Variants in DIS3L2 observed in about 807,000 individuals in gnomAD.
DIS3L2 encodes DIS3-like exonuclease 2.
Under a neutral mutation model 97.5 loss-of-function variants are expected in DIS3L2, and 34 were observed. That is an observed-to-expected ratio of 0.35 (90% CI 0.27 to 0.46). DIS3L2 has a LOEUF of 0.46. Ranked by LOEUF, DIS3L2 falls within the 20% of genes least tolerant of loss-of-function variation. The pLI is 1.00. For missense variants in DIS3L2, 1,038 were observed against 1,146.0 expected (o/e 0.91, Z 1.36); for synonymous variants, 435 against 445.2 (o/e 0.98, Z 0.29).
At chr2:232,343,299 C>A in intron 13 of DIS3L2, 1 of 1,515,166 alleles carries the variant, frequency 6.6e-7, no homozygotes, top group Non-Finnish European at 8.9e-7. Context: ...GGCCTAGCCA[C>A]ATGAAACCGC....
chr2:232,076,469 T>C (rs28545463), intron 5 of DIS3L2, among the ~76,000 whole-genome samples: 19,546 of 152,228 alleles, frequency 0.13, 2,899 homozygotes, highest in African/African-American at 0.36. Flanking sequence ...GTTTTGCCCA[T>C]CTGTGGGTTT....
intron 5 of DIS3L2, among the ~76,000 whole-genome samples, chr2:232,086,016 T>C (rs1168481013): frequency 2.0e-5 from 3 of 152,034 alleles, no homozygotes; most frequent in Non-Finnish European, 2.9e-5. Context: ...TCTCAATATG[T>C]TGCCCAGGCC....
chr2:232,261,051 C>T (rs917170469), intron 12 of DIS3L2, among the ~76,000 whole-genome samples: 3 of 152,228 alleles, frequency 2.0e-5, no homozygotes, highest in Non-Finnish European at 2.9e-5. Flanking sequence ...AAATACACTT[C>T]CACGCATTTA....
At chr2:232,317,422 T>A (rs1695305867) in intron 14 of DIS3L2, among the ~76,000 whole-genome samples, 1 of 152,132 alleles carries the variant, frequency 6.6e-6, no homozygotes, top group Non-Finnish European at 1.5e-5. Flanking sequence ...TTCCTAACAT[T>A]CTTCTATTTT....
At chr2:232,145,325 A>C (rs149466597) in intron 8 of DIS3L2, among the ~76,000 whole-genome samples, 4 of 152,168 alleles carry the variant, frequency 2.6e-5, no homozygotes, top group Non-Finnish European at 4.4e-5. Context: ...TGCTGCCAGC[A>C]TGTAGAATTA....
At chr2:232,134,343 A>G (rs1349647764) in intron 7 of DIS3L2, among the ~76,000 whole-genome samples, 3 of 152,196 alleles carry the variant, frequency 2.0e-5, no homozygotes, top group East Asian at 1.9e-4. Flanking sequence ...TTGTATAACA[A>G]TGTATAATGC....
intron 14 of DIS3L2, among the ~76,000 whole-genome samples, chr2:232,326,805 C>G (rs1352969824): frequency 2.0e-5 from 3 of 150,756 alleles, no homozygotes; most frequent in Non-Finnish European, 4.4e-5. Context: ...ACACCAAGGG[C>G]CCTGGCAAGG....
chr2:232,329,599 A>T, intron 14 of DIS3L2: 1 of 458,422 alleles, frequency 2.2e-6, no homozygotes, highest in Non-Finnish European at 3.8e-6. Context: ...TCAGAGGAGA[A>T]GGCGGTGTAG....
intron 8 of DIS3L2, among the ~76,000 whole-genome samples, chr2:232,160,642 G>T (rs565615825): frequency 7.2e-5 from 11 of 152,188 alleles, no homozygotes; most frequent in African/African-American, 2.4e-4. Context: ...TTGGGAGGCC[G>T]AGGTGGGCAG....
chr2:232,253,449 G>A (rs992887650), intron 12 of DIS3L2, among the ~76,000 whole-genome samples: 4 of 152,154 alleles, frequency 2.6e-5, no homozygotes, highest in African/African-American at 9.7e-5. Context: ...AGAACCAAAT[G>A]GACAGTTGGT....
At chr2:232,279,537 TG>T (rs371432420) in intron 13 of DIS3L2, among the ~76,000 whole-genome samples, 3 of 147,910 alleles carry the variant, frequency 2.0e-5, no homozygotes, top group Non-Finnish European at 4.5e-5. Context: ...TTTGTTTGTT[TG>T]TTTGTTTTTT....
At chr2:232,321,755 A>AT (rs1695443242) in intron 14 of DIS3L2, among the ~76,000 whole-genome samples, 1 of 152,222 alleles carries the variant, frequency 6.6e-6, no homozygotes, top group Non-Finnish European at 1.5e-5. Context: ...TTCTGCCCTC[A>AT]TCCAACTGCA....
intron 1 of DIS3L2, among the ~76,000 whole-genome samples, chr2:231,978,967 C>G (rs192013187): frequency 8.3e-4 from 126 of 152,196 alleles, no homozygotes; most frequent in Middle Eastern, 6.8e-3. Flanking sequence ...GATTGTAGGT[C>G]TTTACATATT....
intron 4 of DIS3L2, among the ~76,000 whole-genome samples, chr2:232,028,724 C>G (rs1254103049): frequency 6.6e-6 from 1 of 152,106 alleles, no homozygotes; most frequent in Non-Finnish European, 1.5e-5. Flanking sequence ...GGTGATGTGC[C>G]TTATTTCAGT....
intron 5 of DIS3L2, among the ~76,000 whole-genome samples, chr2:232,045,765 C>T (rs1442713895): frequency 6.6e-6 from 1 of 150,844 alleles, no homozygotes. Context: ...ACCTCCACCT[C>T]CTGGGTTCAA....
chr2:232,254,143 C>T (rs1693490709), intron 12 of DIS3L2, among the ~76,000 whole-genome samples: 1 of 152,200 alleles, frequency 6.6e-6, no homozygotes, highest in Non-Finnish European at 1.5e-5. Flanking sequence ...ATTCTGAACC[C>T]AGTCCGTAAT....
intron 11 of DIS3L2, among the ~76,000 whole-genome samples, chr2:232,244,292 G>C (rs1464203383): frequency 2.6e-5 from 4 of 152,194 alleles, no homozygotes; most frequent in Non-Finnish European, 4.4e-5. Context: ...GTGTTCTGGG[G>C]ACAGGGGTGA....
Position 232,169,430 on chromosome 2 carries a change from TAGAC to T in DIS3L2, c.1124+5802_1124+5805del, listed in dbSNP as rs1317025706. ...CAAGGGCCAGCCCCTGTTCTTCAGG[TAGAC>T]AGATTCGTACTCAGATAAATTACAG... On this transcript the variant is annotated intron_variant, in intron 9 of 20. Transcript: ENST00000325385. Among the ~76,000 whole-genome samples the T allele has an allele frequency of 2.0e-5, 3 of 152,058 alleles. No homozygotes were observed. In the East Asian group the frequency reaches 5.8e-4, roughly 29 times the overall value.
chr2:232,136,379 T>C (rs1698358780), intron 7 of DIS3L2, 93 bp from the exon 8 acceptor site: 1 of 1,505,496 alleles, frequency 6.6e-7, no homozygotes. Flanking sequence ...TGCTGGTTCC[T>C]GCTAGTTGAT....
Sources: gnomAD v4.1 joint callset for allele counts (sites outside exome capture counted in the v4.1 genomes callset) on GRCh38, gnomAD v4.1.1 for gene constraint, MANE v1.5 for transcripts, NCBI Gene and HGNC (gene_info 2026-07-23, HGNC 2026-07-21) for gene names.